The following KCNH7 variants were observed in gnomAD, a reference collection of about 807,000 sequenced individuals.
KCNH7 encodes potassium voltage-gated channel subfamily H member 7.
KCNH7 carries 49 observed loss-of-function variants against 120.8 expected under a neutral mutation model. The ratio of observed to expected loss-of-function variants is 0.41; its 90% CI spans 0.32 to 0.51. The LOEUF (loss-of-function observed/expected upper bound fraction) is 0.51. KCNH7 is among the 20% of genes least tolerant of loss of function. The probability of loss-of-function intolerance (pLI) is 0.38; values close to 1 mark genes in which losing one functional copy is unlikely to be tolerated. For synonymous variants in KCNH7, 547 were observed against 516.1 expected, an observed-to-expected ratio of 1.06 and a Z score of -0.81; for missense variants, 1,097 against 1,446.6, an observed-to-expected ratio of 0.76 and a Z score of 3.92.
intron 2 of KCNH7, among the ~76,000 whole-genome samples, chr2:162,736,833 T>C (rs925558928): frequency 1.3e-5 from 2 of 152,186 alleles, no homozygotes; most frequent in African/African-American, 4.8e-5. Context: ...TGTAGTTATC[T>C]TTACTGTGGT....
chr2:162,788,990 A>T (rs1279382809), intron 2 of KCNH7, among the ~76,000 whole-genome samples: 24 of 2,572 alleles, frequency 9.3e-3, no homozygotes, highest in Non-Finnish European at 0.068. Flanking sequence ...GTACTGGTTA[A>T]AAAAAAAAAA....
chr2:162,381,921 T>G (rs1686430892), intron 13 of KCNH7, among the ~76,000 whole-genome samples: 1 of 152,104 alleles, frequency 6.6e-6, no homozygotes. Flanking sequence ...GGGCCAGTAA[T>G]GCTAAGCAAA....
At chr2:162,577,282 G>GATCTATCTATCT (rs1336529166) in intron 2 of KCNH7, among the ~76,000 whole-genome samples, 17 of 121,604 alleles carry the variant, frequency 1.4e-4, no homozygotes, top group East Asian at 6.2e-4. Context: ...TTAACAGATA[G>GATCTATCTATCT]ATCTATCTGT....
chr2:162,614,487 C>T (rs1683075247), intron 2 of KCNH7, among the ~76,000 whole-genome samples: 2 of 151,334 alleles, frequency 1.3e-5, no homozygotes, highest in Non-Finnish European at 2.9e-5. Flanking sequence ...TGTCTCTCAG[C>T]CATAAAACAG....
intron 2 of KCNH7, among the ~76,000 whole-genome samples, chr2:162,566,180 A>AT (rs1693245905): frequency 6.6e-6 from 1 of 152,014 alleles, no homozygotes; most frequent in Non-Finnish European, 1.5e-5. Flanking sequence ...CTCAAAAAAA[A>AT]GCATCTGTTG....
chr2:162,679,688 T>G (rs1685648553), intron 2 of KCNH7, among the ~76,000 whole-genome samples: 1 of 151,690 alleles, frequency 6.6e-6, no homozygotes, highest in African/African-American at 2.4e-5. Flanking sequence ...GAGAGTCATA[T>G]GAAAAATGCT....
chr2:162,469,859 G>A (rs764206067), intron 6 of KCNH7, among the ~76,000 whole-genome samples: 18 of 152,170 alleles, frequency 1.2e-4, no homozygotes, highest in South Asian at 2.1e-4. Context: ...GGCGCGCGCC[G>A]CCACGCCTGA....
intron 3 of KCNH7, 47 bp from the exon 4 acceptor site, chr2:162,518,205 A>G (rs766828576): frequency 1.5e-6 from 2 of 1,355,962 alleles, no homozygotes; most frequent in South Asian, 1.3e-5. Flanking sequence ...CAAATGATAT[A>G]TCCTGTAACA....
intron 2 of KCNH7, among the ~76,000 whole-genome samples, chr2:162,644,889 G>A (rs538239315): frequency 6.6e-6 from 1 of 152,058 alleles, no homozygotes; most frequent in African/African-American, 2.4e-5. Context: ...TATGCAGAAT[G>A]CCTATTTAAC....
intron 2 of KCNH7, among the ~76,000 whole-genome samples, chr2:162,745,893 A>G (rs1165635713): frequency 1.3e-5 from 2 of 151,706 alleles, no homozygotes; most frequent in African/African-American, 4.8e-5. Flanking sequence ...ATTAAGGAGC[A>G]CTTCAGTGTG....
At chr2:162,625,096 C>T (rs1439212989) in intron 2 of KCNH7, among the ~76,000 whole-genome samples, 1 of 151,814 alleles carries the variant, frequency 6.6e-6, no homozygotes, top group Non-Finnish European at 1.5e-5. Flanking sequence ...GGGGTATTTC[C>T]ATGTTGGTCA....
At chr2:162,817,193 A>G (rs1684945344) in intron 2 of KCNH7, among the ~76,000 whole-genome samples, 1 of 152,118 alleles carries the variant, frequency 6.6e-6, no homozygotes, top group African/African-American at 2.4e-5. Flanking sequence ...TCATTCCCCA[A>G]AATTCTTGTG....
At chr2:162,687,278 C>T (rs1685929481) in intron 2 of KCNH7, among the ~76,000 whole-genome samples, 1 of 152,124 alleles carries the variant, frequency 6.6e-6, no homozygotes, top group Non-Finnish European at 1.5e-5. Flanking sequence ...ACCTGGCTTA[C>T]AGTGGTTCAG....
rs964708206 is a variant in KCNH7, at chr2:162,638,472, T to G, written c.308-101392A>C. ...GCATTTTGAAAGCAGAAGAGAAAAT[T>G]TCTAGCACTGTTACTGAACCTTACT... On this transcript the variant is annotated intron_variant, in intron 2 of 15. Coordinates refer to ENST00000332142, the MANE Select transcript of KCNH7 (RefSeq NM_033272.4). 2.0e-5 allele frequency among the ~76,000 whole-genome samples: 3 copies of G among 152,014 alleles called. No homozygotes were observed. In the South Asian group the frequency reaches 6.2e-4, roughly 32 times the overall value.
chr2:162,833,802 G>A (rs1389170652), intron 2 of KCNH7, among the ~76,000 whole-genome samples: 2 of 152,046 alleles, frequency 1.3e-5, no homozygotes, highest in Non-Finnish European at 2.9e-5. Context: ...CCACTTTAGC[G>A]AACAAGCTTT....
chr2:162,631,651 T>C (rs540113889), intron 2 of KCNH7, among the ~76,000 whole-genome samples: 1 of 152,124 alleles, frequency 6.6e-6, no homozygotes, highest in South Asian at 2.1e-4. Context: ...AATATAGTTA[T>C]AACACTCAAA....
chr2:162,434,499 G>T (rs571844144), intron 8 of KCNH7, among the ~76,000 whole-genome samples: 20 of 151,928 alleles, frequency 1.3e-4, no homozygotes, highest in Non-Finnish European at 2.5e-4. Context: ...CAGTGGCTCC[G>T]CAGCGTTATT....
Position 162,836,584 on chromosome 2 carries a change from A to T in KCNH7, c.260T>A (p.Leu87Gln). 6.2e-7 allele frequency: 1 copy of T among 1,614,130 alleles called. No individual in the cohort carries two copies. Among genetic ancestry groups the T allele is most frequent in the Non-Finnish European group, 8.5e-7 (1 of 1,180,036 alleles). ...HDIAQIAQAL[L>Q]GSEERKVEVT... ...CTCCACTTTCCTCTCTTCTGACCCC[A>T]GCAATGCCTGGGCAATTTGGGCAAT... The change falls in exon 2 of 16, where the codon CTG (leucine) becomes CAG (glutamine). Residue 87 changes from leucine to glutamine, a missense_variant. By Grantham distance (113) the Leu-to-Gln change is moderately radical. This residue lies in a region of KCNH7 where 57 missense variants were observed against 116.2 expected (regional missense o/e 0.49). Coordinates refer to ENST00000332142, the MANE Select transcript of KCNH7 (RefSeq NM_033272.4).
At chr2:162,795,640 A>T (rs1029127474) in intron 2 of KCNH7, 1 of 151,862 alleles carries the variant, frequency 6.6e-6, no homozygotes, top group African/African-American at 2.4e-5. Flanking sequence ...GACACCAAAG[A>T]CTCCTCTGAT....
Sources: allele counts gnomAD v4.1 joint callset (sites outside exome capture counted in the v4.1 genomes callset), GRCh38; gene constraint gnomAD v4.1.1; regional missense constraint gnomAD v4.1.1; transcripts MANE v1.5; gene names NCBI Gene and HGNC (gene_info 2026-07-23, HGNC 2026-07-21).